Variants in PHYKPL observed in about 807,000 individuals in gnomAD.
PHYKPL encodes 5-phosphonooxy-L-lysine phospho-lyase.
Under a neutral mutation model 51.3 loss-of-function variants are expected in PHYKPL, and 42 were observed. The observed-to-expected ratio is 0.82, with a 90% CI of 0.64 to 1.06. The LOEUF (loss-of-function observed/expected upper bound fraction) is 1.06, where lower values mean the gene tolerates loss of function less well. Among genes scored for constraint, PHYKPL ranks in the 50% least tolerant of loss-of-function variants. PHYKPL has a pLI of 0.00. For missense variants in PHYKPL, 655 were observed against 586.6 expected (o/e 1.12, Z -1.20); for synonymous variants, 264 against 236.0 (o/e 1.12, Z -1.09).
chr5:178,231,865 G>C (rs1447375068), intron 1 of PHYKPL: 4 of 1,332,398 alleles, frequency 3.0e-6, no homozygotes, highest in Non-Finnish European at 4.0e-6. Context: ...AAGGCCGCGT[G>C]TCTTCGATGG....
At chr5:178,232,068 C>A in intron 1 of PHYKPL, 16 of 1,190,782 alleles carry the variant, frequency 1.3e-5, no homozygotes, top group Non-Finnish European at 1.7e-5. Flanking sequence ...CCGACTCTCC[C>A]TTGTCTGCCC....
Position 178,230,103 on chromosome 5 carries a change from G to T in PHYKPL, c.179-4C>A. On this transcript the variant is annotated splice_polypyrimidine_tract_variant and splice_region_variant and intron_variant, in intron 2 of 12. Transcript: ENST00000308158. ...ACGAGAGGGTGGCAGTGCCCAACTG[G>T]AAGAGGGCCGCCTCCGTCACACGGC... is the stretch of plus-strand genomic sequence containing the variant. 1 of 1,613,514 alleles carries T rather than the reference G, an allele frequency of 6.2e-7. No individual in the cohort carries two copies. Among genetic ancestry groups the T allele is most frequent in the Non-Finnish European group, 8.5e-7 (1 of 1,179,910 alleles).
At chr5:178,231,940 G>T in intron 1 of PHYKPL, 2 of 1,264,160 alleles carry the variant, frequency 1.6e-6, no homozygotes, top group Non-Finnish European at 2.1e-6. Context: ...TGCCAGCCAC[G>T]TGGCCCTGCT....
At chr5:178,225,722 C>T (rs529726862) in intron 3 of PHYKPL, 1 of 429,984 alleles carries the variant, frequency 2.3e-6, no homozygotes, top group African/African-American at 2.0e-5. Flanking sequence ...TGCTTTCACA[C>T]TACAACAATC....
In PHYKPL at chr5:178,215,382, C is replaced by A; in HGVS notation, c.976G>T (p.Val326Phe). The stretch of plus-strand genomic sequence containing the variant: ...TCCTGGAGCTGCTCCTTCTCCAAGA[C>A]ATTCAGGACGGCCAGCCCCACAGCG... ...SCAVGLAVLN[V>F]LEKEQLQDHA... Residue 326 changes from valine (V) to phenylalanine (F), a missense_variant, in exon 9 of 13, where the codon GTC (valine) becomes TTC (phenylalanine). By Grantham distance (50) the Val-to-Phe change is conservative. Transcript: ENST00000308158. 1.2e-6 allele frequency: 2 copies of A among 1,614,022 alleles called. No individual in the cohort carries two copies. The highest frequency in any genetic ancestry group is 2.2e-5 in the South Asian group (2 of 91,064).
intron 12 of PHYKPL, chr5:178,210,574 G>A: frequency 6.2e-7 from 1 of 1,614,146 alleles, no homozygotes; most frequent in Non-Finnish European, 8.5e-7. Flanking sequence ...ACAAACTACG[G>A]CAAGAGCCAG....
intron 10 of PHYKPL, among the ~76,000 whole-genome samples, chr5:178,214,509 C>G (rs1463414134): frequency 6.6e-6 from 1 of 152,166 alleles, no homozygotes; most frequent in Non-Finnish European, 1.5e-5. Flanking sequence ...CTTGGGCATT[C>G]TAGGCAGAGG....
chr5:178,224,616 C>T (rs371397136), intron 5 of PHYKPL, 26 bp downstream of exon 5: 79 of 1,614,078 alleles, frequency 4.9e-5, no homozygotes, highest in Non-Finnish European at 6.0e-5. Context: ...AGGCACCGAC[C>T]TGTTGTTGAG....
At chr5:178,212,597 C>T (rs1431975974) in intron 11 of PHYKPL, among the ~76,000 whole-genome samples, 1 of 152,240 alleles carries the variant, frequency 6.6e-6, no homozygotes, top group Non-Finnish European at 1.5e-5. Context: ...TGACCTGTCT[C>T]ATGTACAGAA....
chr5:178,230,782 A>G (rs1289716522), intron 2 of PHYKPL: 2 of 154,672 alleles, frequency 1.3e-5, no homozygotes, highest in South Asian at 2.0e-4. Context: ...CAAACACCTT[A>G]AAGTGGGTAC....
intron 8 of PHYKPL, among the ~76,000 whole-genome samples, chr5:178,219,098 G>A (rs1278529495): frequency 6.6e-6 from 1 of 152,104 alleles, no homozygotes; most frequent in Non-Finnish European, 1.5e-5. Flanking sequence ...AATGTTAAAA[G>A]ACTTAAGAGG....
At chr5:178,209,443 T>A (rs528038894) in intron 12 of PHYKPL, 2 of 1,612,814 alleles carry the variant, frequency 1.2e-6, no homozygotes, top group South Asian at 2.2e-5. Flanking sequence ...GTGGTGGAGG[T>A]GGAGGTGAGT....
At chr5:178,221,587 C>T (rs1393532189) in intron 8 of PHYKPL, among the ~76,000 whole-genome samples, 1 of 152,182 alleles carries the variant, frequency 6.6e-6, no homozygotes, top group African/African-American at 2.4e-5. Flanking sequence ...CTTGCCTTAT[C>T]TATCTTGCCA....
chr5:178,232,442 C>T (rs2127507928), intron 1 of PHYKPL, 50 bp downstream of exon 1: 2 of 1,378,122 alleles, frequency 1.5e-6, no homozygotes, highest in Non-Finnish European at 9.3e-7. Flanking sequence ...CGTGCGCGTG[C>T]CTCTCCGCGC....
rs145465078 is a variant in PHYKPL, at chr5:178,230,079, C to A, written c.199G>T (p.Val67Leu). 2.8e-4 allele frequency: 459 copies of A among 1,614,058 alleles called. No homozygotes were observed. Among genetic ancestry groups the A allele is most frequent in the Non-Finnish European group, 3.7e-4 (438 of 1,180,026 alleles). ...TTCTGCTCATGTGCTGCTTGGACCA[C>A]GAGAGGGTGGCAGTGCCCAACTGGA... ...VAHVGHCHPLVVQAAHEQNQV... is the reference protein window; with the variant it reads ...VAHVGHCHPLLVQAAHEQNQV... The change falls in exon 3 of 13, where the codon GTG becomes TTG. Residue 67 changes from valine to leucine, a missense_variant. Physicochemically the swap from Val to Leu is conservative, Grantham distance 32 (BLOSUM62 1). Coordinates refer to ENST00000308158, the MANE Select transcript of PHYKPL (RefSeq NM_153373.4).
At chr5:178,231,988 G>A (rs1277686566) in intron 1 of PHYKPL, 19 of 1,210,182 alleles carry the variant, frequency 1.6e-5, no homozygotes, top group African/African-American at 4.7e-5. Context: ...TCCAGTGGGA[G>A]GCGACCTCAC....
intron 12 of PHYKPL, chr5:178,209,491 C>A (rs1757507571): frequency 6.5e-7 from 1 of 1,533,580 alleles, no homozygotes; most frequent in Non-Finnish European, 9.0e-7. Context: ...TCCCTGCCTA[C>A]ATGGAGCCTT....
chr5:178,209,300 T>G, intron 12 of PHYKPL: 1 of 1,584,594 alleles, frequency 6.3e-7, no homozygotes. Context: ...TTTGTCCTAC[T>G]GGCCTGACCA....
intron 1 of PHYKPL, 27 bp from the exon 2 acceptor site, chr5:178,231,550 G>A (rs772353509): frequency 5.6e-6 from 9 of 1,614,048 alleles, no homozygotes; most frequent in South Asian, 2.2e-5. Context: ...GGAGTGGACA[G>A]CCATGTCTGA....
Sources: allele counts gnomAD v4.1 joint callset (sites outside exome capture counted in the v4.1 genomes callset), GRCh38; gene constraint gnomAD v4.1.1; transcripts MANE v1.5; gene names NCBI Gene and HGNC (gene_info 2026-07-23, HGNC 2026-07-21).